Variants in CNTNAP5 observed in about 807,000 individuals in gnomAD.
CNTNAP5 encodes the protein contactin associated protein family member 5, also known as contactin-associated protein-like 5.
In CNTNAP5, 72 loss-of-function variants were observed where a neutral mutation model predicts 150.2. That is an observed-to-expected ratio of 0.48 (90% CI 0.40 to 0.58). The LOEUF (loss-of-function observed/expected upper bound fraction) is 0.58, where lower values mean the gene tolerates loss of function less well. CNTNAP5 is among the 20% of genes least tolerant of loss of function. The pLI, the probability that CNTNAP5 is intolerant of heterozygous loss-of-function variation, is 0.00. For missense variants in CNTNAP5, 1,636 were observed against 1,626.2 expected (o/e 1.01, Z -0.10); for synonymous variants, 672 against 619.8 (o/e 1.08, Z -1.25).
At chr2:124,713,963 A>G (rs895028929) in intron 13 of CNTNAP5, among the ~76,000 whole-genome samples, 1 of 152,104 alleles carries the variant, frequency 6.6e-6, no homozygotes, top group Non-Finnish European at 1.5e-5. Context: ...AGATAATACC[A>G]TATTCCCCCA....
At chr2:124,465,112 A>C (rs2104824772) in intron 6 of CNTNAP5, among the ~76,000 whole-genome samples, 1 of 152,314 alleles carries the variant, frequency 6.6e-6, no homozygotes, top group Admixed American at 6.5e-5. Context: ...GTAACATCAA[A>C]GATTGAAAAA....
At chr2:124,806,186 T>G (rs1395230288) in intron 19 of CNTNAP5, among the ~76,000 whole-genome samples, 2 of 152,178 alleles carry the variant, frequency 1.3e-5, no homozygotes, top group Non-Finnish European at 2.9e-5. Flanking sequence ...CAGAGTAACT[T>G]AGCACATAGT....
chr2:124,797,256 C>T (rs1681867003), intron 18 of CNTNAP5, among the ~76,000 whole-genome samples: 1 of 152,154 alleles, frequency 6.6e-6, no homozygotes, highest in South Asian at 2.1e-4. Flanking sequence ...AGTGCTAGTT[C>T]CACTACACTA....
chr2:124,866,035 A>AAG (rs1264246603), intron 20 of CNTNAP5, among the ~76,000 whole-genome samples: 3 of 151,836 alleles, frequency 2.0e-5, no homozygotes, highest in Non-Finnish European at 4.4e-5. Context: ...AGGCTGAGGC[A>AAG]GGTGGATCAC....
chr2:124,574,089 A>T (rs147511388), intron 11 of CNTNAP5, among the ~76,000 whole-genome samples: 3 of 152,166 alleles, frequency 2.0e-5, no homozygotes, highest in Non-Finnish European at 2.9e-5. Context: ...TACATTTTTT[A>T]TACTATAGAC....
At chr2:124,518,666 C>T (rs955839121) in intron 8 of CNTNAP5, among the ~76,000 whole-genome samples, 6 of 152,004 alleles carry the variant, frequency 3.9e-5, no homozygotes, top group Non-Finnish European at 8.8e-5. Context: ...CAAGTGGAAA[C>T]AATTCACATA....
intron 3 of CNTNAP5, among the ~76,000 whole-genome samples, chr2:124,350,024 A>G (rs1258890541): frequency 1.3e-5 from 2 of 151,642 alleles, no homozygotes; most frequent in African/African-American, 2.4e-5. Flanking sequence ...AGCTAGGATT[A>G]CAGGCACCCA....
At chr2:124,364,161 TCTC>T (rs1358786482) in intron 3 of CNTNAP5, among the ~76,000 whole-genome samples, 3 of 152,260 alleles carry the variant, frequency 2.0e-5, no homozygotes, top group East Asian at 3.9e-4. Flanking sequence ...ACCTCACACT[TCTC>T]CTTTCTTGTT....
At chr2:124,304,143 A>T (rs1688625489) in intron 3 of CNTNAP5, among the ~76,000 whole-genome samples, 1 of 152,216 alleles carries the variant, frequency 6.6e-6, no homozygotes, top group African/African-American at 2.4e-5. Flanking sequence ...TATATATTGT[A>T]TACTTTAGCA....
intron 3 of CNTNAP5, among the ~76,000 whole-genome samples, chr2:124,312,193 T>G (rs931427586): frequency 1.3e-5 from 2 of 152,170 alleles, no homozygotes; most frequent in Non-Finnish European, 2.9e-5. Flanking sequence ...AGCAAATTCT[T>G]TGTCCTTCAA....
At chr2:124,490,805 A>G (rs1300755348) in intron 7 of CNTNAP5, among the ~76,000 whole-genome samples, 1 of 152,084 alleles carries the variant, frequency 6.6e-6, no homozygotes, top group East Asian at 1.9e-4. Context: ...TTTAAATAAT[A>G]TTTGCATCTA....
rs1214941300 is a variant in CNTNAP5, at chr2:124,915,767, C to T, written c.*1479C>T. Reference sequence around the variant, plus strand: ...CACCTTGAGCTCATCCATGGGGTGGCGGTAAAGATCTTAATGATTTTTCTG... The same window carrying T: ...CACCTTGAGCTCATCCATGGGGTGGTGGTAAAGATCTTAATGATTTTTCTG... On this transcript the variant is annotated 3_prime_UTR_variant, in exon 24 of 24. Transcript: ENST00000682447. Among the ~76,000 whole-genome samples the T allele has an allele frequency of 6.6e-6, 1 of 151,864 alleles. No individual in the cohort carries two copies. Among genetic ancestry groups the T allele is most frequent in the African/African-American group, 2.4e-5 (1 of 41,366 alleles).
intron 18 of CNTNAP5, among the ~76,000 whole-genome samples, chr2:124,797,002 T>C (rs1472016350): frequency 6.6e-6 from 1 of 152,198 alleles, no homozygotes; most frequent in East Asian, 1.9e-4. Context: ...TTGTATAAAG[T>C]CTATTGGGAT....
At chr2:124,712,578 A>G (rs973260720) in intron 13 of CNTNAP5, among the ~76,000 whole-genome samples, 1 of 152,166 alleles carries the variant, frequency 6.6e-6, no homozygotes, top group African/African-American at 2.4e-5. Context: ...CATAGATTGG[A>G]TGGCTTAAAA....
chr2:124,549,898 T>A (rs1695591736), intron 10 of CNTNAP5, among the ~76,000 whole-genome samples: 1 of 152,252 alleles, frequency 6.6e-6, no homozygotes, highest in South Asian at 2.1e-4. Flanking sequence ...CATGCAGGTG[T>A]TCCTGAGCAT....
chr2:124,321,885 C>T (rs1037499341), intron 3 of CNTNAP5, among the ~76,000 whole-genome samples: 4 of 152,240 alleles, frequency 2.6e-5, no homozygotes, highest in Admixed American at 2.0e-4. Context: ...TGAGGTGGCT[C>T]ACGCCTGTAA....
At chr2:124,565,988 AATG>A in intron 11 of CNTNAP5, among the ~76,000 whole-genome samples, 1 of 150,218 alleles carries the variant, frequency 6.7e-6, no homozygotes, top group Non-Finnish European at 1.5e-5. Flanking sequence ...AAGAAAAACT[AATG>A]AACTCTTGTG....
At chr2:124,216,998 TC>T (rs1406559578) in intron 1 of CNTNAP5, among the ~76,000 whole-genome samples, 1 of 152,182 alleles carries the variant, frequency 6.6e-6, no homozygotes, top group African/African-American at 2.4e-5. Context: ...TAGTTTACGG[TC>T]CCACCAACAG....
At chr2:124,317,781 A>C (rs1689002972) in intron 3 of CNTNAP5, among the ~76,000 whole-genome samples, 1 of 152,154 alleles carries the variant, frequency 6.6e-6, no homozygotes, top group Non-Finnish European at 1.5e-5. Flanking sequence ...ATTCAAATTC[A>C]CAAACAGACA....
Sources: gnomAD v4.1 joint callset for allele counts (sites outside exome capture counted in the v4.1 genomes callset) on GRCh38, gnomAD v4.1.1 for gene constraint, MANE v1.5 for transcripts, NCBI Gene and HGNC (gene_info 2026-07-23, HGNC 2026-07-21) for gene names.